Variants in EYA1 observed in about 807,000 individuals in gnomAD.
EYA1 encodes protein phosphatase EYA1.
EYA1 carries 16 observed loss-of-function variants against 82.0 expected under a neutral mutation model. The ratio of observed to expected loss-of-function variants is 0.20; its 90% CI spans 0.13 to 0.30. The LOEUF is 0.30. Ranked by LOEUF, EYA1 falls within the 10% of genes least tolerant of loss-of-function variation. The pLI, the probability that EYA1 is intolerant of heterozygous loss-of-function variation, is 1.00. For missense variants in EYA1, 633 were observed against 730.7 expected (o/e 0.87, Z 1.54); for synonymous variants, 261 against 264.4 (o/e 0.99, Z 0.12).
intron 2 of EYA1, among the ~76,000 whole-genome samples, chr8:71,396,207 G>A (rs181772575): frequency 1.7e-4 from 26 of 151,820 alleles, no homozygotes; most frequent in Middle Eastern, 3.4e-3. Flanking sequence ...TCTTTCTAGC[G>A]GTCTATTAAT....
At chr8:71,214,485 C>CT (rs1808925280) in intron 16 of EYA1, among the ~76,000 whole-genome samples, 1 of 152,198 alleles carries the variant, frequency 6.6e-6, no homozygotes, top group Non-Finnish European at 1.5e-5. Flanking sequence ...GCCTCTACCT[C>CT]TTCCTGGGTG....
intron 12 of EYA1, among the ~76,000 whole-genome samples, chr8:71,218,884 G>A (rs1809540073): frequency 6.7e-6 from 1 of 148,448 alleles, no homozygotes; most frequent in Admixed American, 7.0e-5. Context: ...TCTCTTGGGA[G>A]AATGAACAAA....
chr8:71,331,808 CTG>C (rs1326425309), intron 4 of EYA1, among the ~76,000 whole-genome samples: 1 of 152,108 alleles, frequency 6.6e-6, no homozygotes, highest in Admixed American at 6.6e-5. Flanking sequence ...AAATTCTTCC[CTG>C]TGTTTGCTTC....
intron 9 of EYA1, among the ~76,000 whole-genome samples, chr8:71,297,547 T>C (rs1393375618): frequency 6.6e-6 from 1 of 152,164 alleles, no homozygotes; most frequent in Non-Finnish European, 1.5e-5. Context: ...ATTCACATAA[T>C]GATCTTCATT....
At chr8:71,261,443 G>A (rs1008267126) in intron 11 of EYA1, among the ~76,000 whole-genome samples, 3 of 152,068 alleles carry the variant, frequency 2.0e-5, no homozygotes, top group African/African-American at 7.2e-5. Flanking sequence ...AATAAACCAT[G>A]GTTAAACTAC....
In EYA1 at chr8:71,347,307, G is replaced by A. The variant is rs973421841; in HGVS notation, c.124+7475C>T. On this transcript the variant is annotated intron_variant, in intron 3 of 17. Transcript: ENST00000340726. ...TGAGGTGCCTAAAAGTTACCCTAAA[G>A]ATTGTTTTATTTATTTATTTATTTA... Among the ~76,000 whole-genome samples, 5 of 150,470 alleles carry A rather than the reference G, an allele frequency of 3.3e-5. No individual in the cohort carries two copies. The East Asian group carries it at 9.6e-4, about 29-fold the overall frequency.
In EYA1 at chr8:71,372,358, A is replaced by T. The variant is rs117451845; in HGVS notation, c.34-15847T>A. 5.4e-4 allele frequency among the ~76,000 whole-genome samples: 82 copies of T among 152,300 alleles called. 2 individuals carry two copies. The East Asian group carries it at 0.014, about 26-fold the overall frequency. On this transcript the variant is annotated intron_variant, in intron 2 of 18. Transcript: ENST00000643681. ...ACCTACTATACTTTGTAAGTAGGAA[A>T]ATTAAATATTTAAATTAAATTTAAA...
rs868367252 is a variant in EYA1, at chr8:71,317,575, G to A, written c.533C>T (p.Ala178Val). The change falls in exon 7 of 18, where the codon GCA becomes GTA. Residue 178 changes from alanine to valine, a missense_variant. Transcript: ENST00000340726. ...ACCTTGCATCTGGTAGCTGTATGGT[G>A]CCTGTCCAGGTTGAGGGGTACTGAA... ...TSFSTPQPGQ[A>V]PYSYQMQGSS... The A allele has an allele frequency of 6.2e-7, 1 of 1,614,090 alleles. No homozygotes were observed. The highest frequency in any genetic ancestry group is 1.3e-5 in the African/African-American group (1 of 75,018).
intron 4 of EYA1, among the ~76,000 whole-genome samples, chr8:71,328,655 C>G (rs1219444531): frequency 6.6e-6 from 1 of 152,168 alleles, no homozygotes; most frequent in Non-Finnish European, 1.5e-5. Context: ...TTTCTACTCT[C>G]CCATAAAAAT....
chr8:71,479,354 C>G (rs887447831), intron 2 of EYA1, among the ~76,000 whole-genome samples: 3 of 152,176 alleles, frequency 2.0e-5, no homozygotes, highest in African/African-American at 7.2e-5. Flanking sequence ...ATTCAAATCA[C>G]AACCCACTTG....
chr8:71,268,012 A>C (rs972939048), intron 11 of EYA1, among the ~76,000 whole-genome samples: 5 of 152,232 alleles, frequency 3.3e-5, no homozygotes, highest in Non-Finnish European at 7.3e-5. Flanking sequence ...TTTAGACATG[A>C]ATGAAAAATT....
chr8:71,401,683 T>C (rs1177577639), intron 2 of EYA1, among the ~76,000 whole-genome samples: 5 of 152,208 alleles, frequency 3.3e-5, no homozygotes, highest in Non-Finnish European at 5.9e-5. Flanking sequence ...GGAATAATAA[T>C]AGTACAGAAT....
intron 2 of EYA1, among the ~76,000 whole-genome samples, chr8:71,484,874 C>T (rs1024091772): frequency 3.3e-5 from 5 of 152,194 alleles, no homozygotes; most frequent in South Asian, 2.1e-4. Flanking sequence ...TGGCCTGTCC[C>T]GGGGGACCTG....
At chr8:71,308,064 C>T (rs1393713439) in intron 7 of EYA1, among the ~76,000 whole-genome samples, 3 of 152,140 alleles carry the variant, frequency 2.0e-5, no homozygotes, top group South Asian at 2.1e-4. Context: ...GCAGGGTCCT[C>T]GTCTTCATTC....
intron 2 of EYA1, among the ~76,000 whole-genome samples, chr8:71,400,367 G>T (rs1829885728): frequency 6.6e-6 from 1 of 152,160 alleles, no homozygotes; most frequent in Non-Finnish European, 1.5e-5. Context: ...ACAGCCTATA[G>T]AATGGGAGAA....
chr8:71,349,599 C>T (rs1826105076), intron 3 of EYA1, among the ~76,000 whole-genome samples: 1 of 152,142 alleles, frequency 6.6e-6, no homozygotes, highest in Non-Finnish European at 1.5e-5. Context: ...GACTTATTTA[C>T]ATACGGTATA....
intron 12 of EYA1, among the ~76,000 whole-genome samples, chr8:71,234,288 C>T (rs1379170554): frequency 6.6e-6 from 1 of 152,132 alleles, no homozygotes; most frequent in Non-Finnish European, 1.5e-5. Context: ...ACCACCTTCC[C>T]TTGATTCCAT....
intron 9 of EYA1, among the ~76,000 whole-genome samples, chr8:71,298,583 C>T (rs1238276359): frequency 2.6e-5 from 4 of 152,150 alleles, no homozygotes; most frequent in African/African-American, 4.8e-5. Flanking sequence ...ATGAAATTCA[C>T]AGCAGGCCAC....
At chr8:71,281,943 C>T (rs563890713) in intron 9 of EYA1, among the ~76,000 whole-genome samples, 3 of 152,190 alleles carry the variant, frequency 2.0e-5, no homozygotes, top group Non-Finnish European at 4.4e-5. Context: ...TGGTCCATGA[C>T]CTTGTAGAAT....
Sources: allele counts gnomAD v4.1 joint callset (sites outside exome capture counted in the v4.1 genomes callset), GRCh38; gene constraint gnomAD v4.1.1; transcripts MANE v1.5; gene names NCBI Gene and HGNC (gene_info 2026-07-23, HGNC 2026-07-21).